The following ADGRV1 variants were observed in gnomAD, a reference collection of about 807,000 sequenced individuals.
ADGRV1 encodes G-protein coupled receptor 98.
Under a neutral mutation model 596.2 loss-of-function variants are expected in ADGRV1, and 359 were observed. The ratio of observed to expected loss-of-function variants is 0.60; its 90% CI spans 0.55 to 0.66. ADGRV1 has a LOEUF of 0.66. Among genes scored for constraint, ADGRV1 ranks in the 30% least tolerant of loss-of-function variants. The probability of loss-of-function intolerance (pLI) is 0.00; values close to 1 mark genes in which losing one functional copy is unlikely to be tolerated. For synonymous variants in ADGRV1, 2,681 were observed against 2,679.2 expected (o/e 1.00, Z -0.02); for missense variants, 7,274 against 7,575.6 (o/e 0.96, Z 1.48).
intron 86 of ADGRV1, among the ~76,000 whole-genome samples, chr5:91,080,672 A>G (rs1281206938): frequency 6.6e-6 from 1 of 151,214 alleles, no homozygotes; most frequent in Non-Finnish European, 1.5e-5. Flanking sequence ...TCTGATTTCC[A>G]AGAAAGATTG....
chr5:91,118,965 A>G (rs931003518), intron 87 of ADGRV1, among the ~76,000 whole-genome samples: 5 of 151,924 alleles, frequency 3.3e-5, no homozygotes, highest in African/African-American at 1.2e-4. Flanking sequence ...TCTGTTTTCT[A>G]TTGCATCCCA....
Position 90,676,218 on chromosome 5 carries a change from G to T in ADGRV1, c.5443+9G>T. 6.3e-7 allele frequency: 1 copy of T among 1,592,246 alleles called. No homozygotes were observed. The highest frequency in any genetic ancestry group is 8.5e-7 in the Non-Finnish European group (1 of 1,171,582). ...AAACTTGGAAGGAGGAGGTAAGGCTGGTGATTCAAAAATGTTAAATATTTG... is the reference window on the plus strand; with the variant it reads ...AAACTTGGAAGGAGGAGGTAAGGCTTGTGATTCAAAAATGTTAAATATTTG... On this transcript the variant is annotated intron_variant, in intron 25 of 89. Coordinates refer to ENST00000405460, the MANE Select transcript of ADGRV1 (RefSeq NM_032119.4).
chr5:90,759,347 A>C (rs1756197935), intron 57 of ADGRV1, 62 bp from the exon 58 acceptor site: 3 of 1,226,786 alleles, frequency 2.4e-6, no homozygotes, highest in Admixed American at 4.4e-5. Context: ...TTCTTTCCTC[A>C]TTTCCTATCT....
chr5:90,781,701 T>C, intron 65 of ADGRV1, 123 bp downstream of exon 65: 3 of 801,438 alleles, frequency 3.7e-6, no homozygotes, highest in Non-Finnish European at 5.8e-6. Context: ...TTTACACATA[T>C]ACACTTTTAT....
chr5:91,018,925 T>C (rs572250527), intron 85 of ADGRV1, among the ~76,000 whole-genome samples: 5 of 152,088 alleles, frequency 3.3e-5, no homozygotes, highest in Admixed American at 2.0e-4. Flanking sequence ...GCCGGTGTTA[T>C]AGAAATCGGT....
Position 91,163,846 on chromosome 5 carries a change from T to C in ADGRV1, c.18867T>C (p.Thr6289=). The change falls in exon 90 of 90, where the codon ACT becomes ACC. Residue 6289 remains threonine (T), a synonymous_variant. Coordinates refer to ENST00000405460, the MANE Select transcript of ADGRV1 (RefSeq NM_032119.4). ...GQGSQEGGTL[T]DSQIVELRRI... Reference sequence around the variant, plus strand: ...GCAGCCAGGAGGGGGGCACCTTGACTGACTCCCAGATCGTGGAGCTCAGGA... The same window carrying C: ...GCAGCCAGGAGGGGGGCACCTTGACCGACTCCCAGATCGTGGAGCTCAGGA... 1.2e-6 allele frequency: 2 copies of C among 1,608,362 alleles called. No individual in the cohort carries two copies. Among genetic ancestry groups the C allele is most frequent in the Non-Finnish European group, 1.7e-6 (2 of 1,176,338 alleles).
At chr5:91,102,622 A>G (rs1444404213) in intron 87 of ADGRV1, among the ~76,000 whole-genome samples, 4 of 152,238 alleles carry the variant, frequency 2.6e-5, no homozygotes, top group African/African-American at 7.2e-5. Flanking sequence ...CTTTTTCAGT[A>G]GGATTGATGT....
chr5:90,687,973 C>T (rs1745909967), intron 29 of ADGRV1, among the ~76,000 whole-genome samples: 1 of 152,110 alleles, frequency 6.6e-6, no homozygotes, highest in Non-Finnish European at 1.5e-5. Context: ...GGCCATACTG[C>T]TCAAGGTAAT....
intron 85 of ADGRV1, among the ~76,000 whole-genome samples, chr5:91,058,959 T>A (rs1035747610): frequency 3.9e-5 from 6 of 152,192 alleles, no homozygotes; most frequent in African/African-American, 1.4e-4. Context: ...TTTCTTTCAC[T>A]GAACTCATAC....
intron 70 of ADGRV1, chr5:90,793,026 G>C (rs1760252331): frequency 6.6e-6 from 1 of 152,206 alleles, no homozygotes; most frequent in African/African-American, 2.4e-5. Context: ...CAGTTGCCCT[G>C]GCTGGCAATT....
chr5:90,999,187 CTA>C (rs971370835), intron 85 of ADGRV1, among the ~76,000 whole-genome samples: 7 of 151,884 alleles, frequency 4.6e-5, no homozygotes, highest in Admixed American at 1.3e-4. Flanking sequence ...TTTTATTTCT[CTA>C]TTAACACATC....
At chr5:91,136,169 A>G (rs1794620993) in intron 87 of ADGRV1, among the ~76,000 whole-genome samples, 3 of 152,284 alleles carry the variant, frequency 2.0e-5, no homozygotes, top group Admixed American at 2.0e-4. Context: ...TAGCCAAATT[A>G]CAAAATTCTG....
rs577787013 is a variant in ADGRV1, at chr5:90,845,060, G to A, written c.17020-3577G>A. Among the ~76,000 whole-genome samples the A allele has an allele frequency of 2.4e-4, 36 of 152,178 alleles. 1 individual carries two copies. Among genetic ancestry groups the A allele is most frequent in the South Asian group, 6.2e-4 (3 of 4,820 alleles). On this transcript the variant is annotated intron_variant, in intron 78 of 89. Coordinates refer to ENST00000405460, the MANE Select transcript of ADGRV1 (RefSeq NM_032119.4). ...CTGGCTGGTTTTGTATTTCATGCTC[G>A]AGGTAATTTTGACTGACTTGTCTGT...
chr5:90,898,715 G>A (rs964848632), intron 83 of ADGRV1, among the ~76,000 whole-genome samples: 1 of 152,108 alleles, frequency 6.6e-6, no homozygotes, highest in Non-Finnish European at 1.5e-5. Flanking sequence ...AGGCCAAGGA[G>A]GGAGGATCAC....
intron 83 of ADGRV1, among the ~76,000 whole-genome samples, chr5:90,892,927 A>C (rs1770957354): frequency 6.6e-6 from 1 of 152,206 alleles, no homozygotes; most frequent in Admixed American, 6.6e-5. Context: ...GCTCTGGCCA[A>C]GATGGAGTAA....
chr5:91,035,144 T>G (rs1289627797), intron 85 of ADGRV1, among the ~76,000 whole-genome samples: 1 of 152,188 alleles, frequency 6.6e-6, no homozygotes, highest in African/African-American at 2.4e-5. Flanking sequence ...AGCCCTATAC[T>G]TCTTCCACCA....
At chr5:90,593,562 C>T (rs986966394) in intron 1 of ADGRV1, among the ~76,000 whole-genome samples, 6 of 152,026 alleles carry the variant, frequency 3.9e-5, no homozygotes, top group African/African-American at 9.7e-5. Context: ...AACAAACCTG[C>T]GCATTGTGCA....
At chr5:90,981,036 A>T (rs187818888) in intron 84 of ADGRV1, among the ~76,000 whole-genome samples, 19 of 152,326 alleles carry the variant, frequency 1.2e-4, no homozygotes, top group Non-Finnish European at 2.9e-5. Flanking sequence ...TATTTTGCCA[A>T]GGTTTAGGAC....
intron 85 of ADGRV1, among the ~76,000 whole-genome samples, chr5:91,068,303 A>G (rs1409881750): frequency 6.6e-6 from 1 of 151,724 alleles, no homozygotes; most frequent in African/African-American, 2.4e-5. Flanking sequence ...TAAAAAAAAA[A>G]ACAAAAAACA....
Sources: allele counts gnomAD v4.1 joint callset (sites outside exome capture counted in the v4.1 genomes callset), GRCh38; gene constraint gnomAD v4.1.1; transcripts MANE v1.5; gene names NCBI Gene and HGNC (gene_info 2026-07-23, HGNC 2026-07-21).